STARD13: variants seen among roughly 807,000 people sequenced by gnomAD.
STARD13 encodes the protein stAR-related lipid transfer protein 13.
In STARD13, 62 loss-of-function variants were observed where a neutral mutation model predicts 106.4. That is an observed-to-expected ratio of 0.58 (90% CI 0.48 to 0.72). STARD13 has a LOEUF of 0.72. Among genes scored for constraint, STARD13 ranks in the 30% least tolerant of loss-of-function variants. The pLI is 0.00. For missense variants in STARD13, 1,387 were observed against 1,424.0 expected, an observed-to-expected ratio of 0.97 and a Z score of 0.42; for synonymous variants, 565 against 553.0, an observed-to-expected ratio of 1.02 and a Z score of -0.31.
chr13:33,564,572 C>T, the STARD13 span, among the ~76,000 whole-genome samples: 5 of 147,050 alleles, frequency 3.4e-5, no homozygotes, highest in East Asian at 1.0e-3. Flanking sequence ...AAAGAGATAT[C>T]TACACTCCAT....
At chr13:33,180,450 T>A (rs1885125210) in intron 1 of STARD13, 1 of 152,194 alleles carries the variant, frequency 6.6e-6, no homozygotes, top group Admixed American at 6.5e-5. Context: ...GAAATCTGTA[T>A]CAGACATGTG....
the STARD13 span, among the ~76,000 whole-genome samples, chr13:33,571,791 A>C: frequency 1.6e-4 from 24 of 152,260 alleles, no homozygotes; most frequent in Admixed American, 1.5e-3. Flanking sequence ...CTGTTTGACT[A>C]TATGTATAAC....
chr13:33,186,053 A>G (rs756215125), intron 1 of STARD13: 1 of 1,613,558 alleles, frequency 6.2e-7, no homozygotes, highest in East Asian at 2.2e-5. Context: ...AGCAAGGAGC[A>G]GATGATAGTC....
At chr13:33,331,052 G>C (rs556985086) in intron 1 of STARD13, among the ~76,000 whole-genome samples, 54 of 152,180 alleles carry the variant, frequency 3.5e-4, no homozygotes, top group Non-Finnish European at 6.6e-4. Flanking sequence ...TCATCCTGGA[G>C]TCAGAAAATA....
intron 1 of STARD13, among the ~76,000 whole-genome samples, chr13:33,258,455 G>T (rs868548691): frequency 6.6e-6 from 1 of 151,714 alleles, no homozygotes; most frequent in Non-Finnish European, 1.5e-5. Context: ...CCATGCAATC[G>T]TCAATGCTGG....
At chr13:33,306,298 C>T (rs1285431922) in intron 1 of STARD13, among the ~76,000 whole-genome samples, 2 of 152,150 alleles carry the variant, frequency 1.3e-5, no homozygotes, top group Non-Finnish European at 2.9e-5. Context: ...TACTGAACCC[C>T]TTCCTTATAT....
chr13:33,535,853 T>C, the STARD13 span, among the ~76,000 whole-genome samples: 1 of 152,226 alleles, frequency 6.6e-6, no homozygotes, highest in Admixed American at 6.5e-5. Flanking sequence ...TTTGTTTTAC[T>C]GATTCCATCT....
At chr13:33,122,034 C>G (rs1179395369) in intron 7 of STARD13, among the ~76,000 whole-genome samples, 2 of 152,134 alleles carry the variant, frequency 1.3e-5, no homozygotes, top group African/African-American at 4.8e-5. Flanking sequence ...TTAGTAGTGA[C>G]AGGGTTTTAC....
At chr13:33,664,553 T>C in the STARD13 span, among the ~76,000 whole-genome samples, 1 of 152,250 alleles carries the variant, frequency 6.6e-6, no homozygotes, top group Non-Finnish European at 1.5e-5. Context: ...CTTGGCTTCA[T>C]GTCTTGTTCT....
the STARD13 span, among the ~76,000 whole-genome samples, chr13:33,573,816 G>A: frequency 6.6e-6 from 1 of 152,126 alleles, no homozygotes; most frequent in African/African-American, 2.4e-5. Flanking sequence ...CTCGCTGGGT[G>A]TTACCTTTAT....
the STARD13 span, among the ~76,000 whole-genome samples, chr13:33,514,954 G>A: frequency 2.0e-5 from 3 of 152,078 alleles, no homozygotes; most frequent in African/African-American, 7.2e-5. Context: ...AAATGGGAGT[G>A]GAGCCTCGGA....
chr13:33,439,307 T>C, the STARD13 span, among the ~76,000 whole-genome samples: 172 of 152,366 alleles, frequency 1.1e-3, 4 homozygotes, highest in East Asian at 0.032. Flanking sequence ...TACCCTCATA[T>C]ATGCCTTATT....
At chr13:33,508,547 T>G in the STARD13 span, among the ~76,000 whole-genome samples, 1 of 152,212 alleles carries the variant, frequency 6.6e-6, no homozygotes, top group African/African-American at 2.4e-5. Flanking sequence ...TTATATTATT[T>G]GCACTGAAGC....
chr13:33,163,611 T>TATATAAC (rs1566038493), intron 3 of STARD13, among the ~76,000 whole-genome samples: 111 of 84,984 alleles, frequency 1.3e-3, no homozygotes, highest in South Asian at 3.1e-3. Context: ...AAAAAATATA[T>TATATAAC]ATATATATAT....
intron 1 of STARD13, among the ~76,000 whole-genome samples, chr13:33,265,481 G>A (rs983837919): frequency 6.6e-5 from 10 of 152,074 alleles, no homozygotes; most frequent in African/African-American, 2.4e-4. Flanking sequence ...AGCTATTTCA[G>A]ACAACTTGTA....
At chr13:33,572,343 G>T in the STARD13 span, among the ~76,000 whole-genome samples, 2 of 152,124 alleles carry the variant, frequency 1.3e-5, no homozygotes, top group East Asian at 3.8e-4. Flanking sequence ...GTAGCCAACT[G>T]TTCGAACCAT....
Position 33,142,331 on chromosome 13 carries a change from A to G in STARD13, c.366T>C (p.Asp122=). The G allele has an allele frequency of 1.2e-6, 2 of 1,614,126 alleles. No individual in the cohort carries two copies. The highest frequency in any genetic ancestry group is 1.7e-6 in the Non-Finnish European group (2 of 1,180,008). Reference sequence around the variant, plus strand: ...CTACCTTTTTCCTTTGGAAGTTCACATCAAGTTTCATTGAGGCACACTTGT... The same window carrying G: ...CTACCTTTTTCCTTTGGAAGTTCACGTCAAGTTTCATTGAGGCACACTTGT... ...TLNKCASMKL[D]VNFQRKKGDD... The change falls in exon 4 of 14, where the codon GAT becomes GAC. Residue 122 remains aspartate, a synonymous_variant. Coordinates refer to ENST00000336934, the MANE Select transcript of STARD13 (RefSeq NM_178006.4).
At chr13:33,664,317 T>C in the STARD13 span, among the ~76,000 whole-genome samples, 1 of 152,186 alleles carries the variant, frequency 6.6e-6, no homozygotes. Flanking sequence ...ACTTATTTTG[T>C]TTTTACAATT....
chr13:33,199,086 T>C (rs951181021), intron 1 of STARD13, among the ~76,000 whole-genome samples: 4 of 152,210 alleles, frequency 2.6e-5, no homozygotes, highest in Non-Finnish European at 4.4e-5. Context: ...TAAACATACA[T>C]CCTTTGATCT....
Sources: gnomAD v4.1 joint callset for allele counts (sites outside exome capture counted in the v4.1 genomes callset) on GRCh38, gnomAD v4.1.1 for gene constraint, MANE v1.5 for transcripts, NCBI Gene and HGNC (gene_info 2026-07-23, HGNC 2026-07-21) for gene names.